The following BCHE variants were observed in gnomAD, a reference collection of about 807,000 sequenced individuals.
BCHE encodes the protein butyrylcholinesterase.
In BCHE, 48 loss-of-function variants were observed where a neutral mutation model predicts 51.3. That is an observed-to-expected ratio of 0.94 (90% CI 0.74 to 1.19). The LOEUF (loss-of-function observed/expected upper bound fraction) is 1.19, where lower values mean the gene tolerates loss of function less well. Among genes scored for constraint, BCHE ranks in the 50% most tolerant of loss-of-function variants. The pLI, the probability that BCHE is intolerant of heterozygous loss-of-function variation, is 0.00. For missense variants in BCHE, 847 were observed against 708.2 expected (o/e 1.20, Z -2.23); for synonymous variants, 251 against 238.0 (o/e 1.05, Z -0.50).
chr3:165,834,035 A>G (rs545466350), intron 1 of BCHE, among the ~76,000 whole-genome samples: 1 of 152,036 alleles, frequency 6.6e-6, no homozygotes, highest in Admixed American at 6.6e-5. Flanking sequence ...ATTGAAATAA[A>G]TTTTGGTCTC....
rs1714876292 is a variant in BCHE, at chr3:165,829,741, C to T, written c.1293G>A (p.Leu431=). 1.2e-6 allele frequency: 2 copies of T among 1,613,708 alleles called. No individual in the cohort carries two copies. Among genetic ancestry groups the T allele is most frequent in the African/African-American group, 2.7e-5 (2 of 74,876 alleles). The part of the protein sequence containing the change: ...VGDYNFICPA[L]EFTKKFSEWG... ...ATTCTGAGAACTTCTTGGTGAACTC[C>T]AAGGCAGGGCATATGAAATTATAAT... Residue 431 remains leucine (L), a synonymous_variant, in exon 2 of 4, where the codon TTG becomes TTA. Coordinates refer to ENST00000264381, the MANE Select transcript of BCHE (RefSeq NM_000055.4).
chr3:165,806,466 C>A (rs79403484), intron 2 of BCHE, among the ~76,000 whole-genome samples: 2 of 152,108 alleles, frequency 1.3e-5, no homozygotes, highest in Admixed American at 6.6e-5. Flanking sequence ...TATCTGCCAG[C>A]GGTAAGTGGT....
At chr3:165,810,349 A>T (rs1714046574) in intron 2 of BCHE, among the ~76,000 whole-genome samples, 1 of 152,106 alleles carries the variant, frequency 6.6e-6, no homozygotes, top group Non-Finnish European at 1.5e-5. Flanking sequence ...GCCCACTCAA[A>T]ATATCTCAAT....
chr3:165,809,278 G>A (rs1007594665), intron 2 of BCHE, among the ~76,000 whole-genome samples: 5 of 152,202 alleles, frequency 3.3e-5, no homozygotes, highest in East Asian at 1.9e-4. Context: ...ATAAGCAAAC[G>A]TATTTAAATC....
At chr3:165,826,000 G>A (rs533339342) in intron 2 of BCHE, among the ~76,000 whole-genome samples, 1 of 152,086 alleles carries the variant, frequency 6.6e-6, no homozygotes, top group South Asian at 2.1e-4. Flanking sequence ...TTAGTTGCAA[G>A]TGATGCTGAA....
chr3:165,792,053 G>C (rs945864702), intron 2 of BCHE, among the ~76,000 whole-genome samples: 3 of 152,066 alleles, frequency 2.0e-5, no homozygotes, highest in Non-Finnish European at 4.4e-5. Context: ...TAAGTACGCA[G>C]CTGGAAATTT....
chr3:165,833,010 A>T (rs1322965591), intron 1 of BCHE, among the ~76,000 whole-genome samples: 2 of 152,040 alleles, frequency 1.3e-5, no homozygotes, highest in African/African-American at 4.8e-5. Context: ...TAATGGATAT[A>T]TCTATTTCTA....
intron 1 of BCHE, among the ~76,000 whole-genome samples, chr3:165,831,700 A>C (rs1399257719): frequency 2.6e-5 from 4 of 152,198 alleles, no homozygotes; most frequent in Non-Finnish European, 5.9e-5. Context: ...ACAAATTGTA[A>C]AAACTAACAA....
At position 165,832,118 on chromosome 3, in the gene BCHE, G is replaced by A. The variant is rs1576672741; in HGVS notation, c.-8-1077C>T. On this transcript the variant is annotated intron_variant, in intron 1 of 3. Coordinates refer to ENST00000264381, the MANE Select transcript of BCHE (RefSeq NM_000055.4). ...GTGACCTACAAAATCATAAGTATTT[G>A]ACATTTATGAAATAATATTTAATGG... Among the ~76,000 whole-genome samples, 4 of 152,196 alleles carry A rather than the reference G, an allele frequency of 2.6e-5. No homozygotes were observed. The East Asian group carries it at 7.7e-4, about 29-fold the overall frequency.
intron 3 of BCHE, among the ~76,000 whole-genome samples, chr3:165,779,789 C>T (rs1232848324): frequency 6.6e-6 from 1 of 152,190 alleles, no homozygotes; most frequent in Non-Finnish European, 1.5e-5. Flanking sequence ...AAAAACATTT[C>T]ATCCTCATGG....
At chr3:165,792,561 T>C (rs1055599062) in intron 2 of BCHE, among the ~76,000 whole-genome samples, 4 of 152,134 alleles carry the variant, frequency 2.6e-5, no homozygotes, top group African/African-American at 9.7e-5. Context: ...AAAAACAAGA[T>C]GCCATTATAA....
intron 2 of BCHE, among the ~76,000 whole-genome samples, chr3:165,808,035 G>A (rs144526420): frequency 1.7e-3 from 264 of 152,108 alleles, no homozygotes; most frequent in African/African-American, 6.1e-3. Flanking sequence ...CCAGGCTGCA[G>A]TGCAGTGGCG....
intron 3 of BCHE, among the ~76,000 whole-genome samples, chr3:165,781,207 C>A (rs944344490): frequency 2.6e-5 from 4 of 152,038 alleles, no homozygotes; most frequent in Non-Finnish European, 4.4e-5. Flanking sequence ...GCCAAGATCA[C>A]GTCATTGCAC....
chr3:165,796,982 G>A (rs1028451684), intron 2 of BCHE, among the ~76,000 whole-genome samples: 3 of 151,982 alleles, frequency 2.0e-5, no homozygotes, highest in Non-Finnish European at 4.4e-5. Context: ...GGATATAAAG[G>A]TTTGCATAAT....
intron 1 of BCHE, among the ~76,000 whole-genome samples, chr3:165,837,061 T>C (rs905228406): frequency 2.0e-5 from 3 of 152,162 alleles, no homozygotes; most frequent in South Asian, 2.1e-4. Flanking sequence ...TGGTCCTTTA[T>C]ACAGAGTTGA....
At chr3:165,778,652 A>G in intron 3 of BCHE, 1 of 450,968 alleles carries the variant, frequency 2.2e-6, no homozygotes. Context: ...ACTCCACTTC[A>G]CTGTGAGTAA....
chr3:165,829,536 C>T lies in BCHE; in HGVS notation c.1498G>A (p.Ala500Thr). Reference sequence around the variant, plus strand: ...ACTTACCCATATTTTGCAAAATTTGCCCACCGTTTCACTATGGATCTACTC... The same window carrying T: ...ACTTACCCATATTTTGCAAAATTTGTCCACCGTTTCACTATGGATCTACTC... Reference protein sequence around the residue: ...ILSRSIVKRWANFAKYGNPNE... With the variant: ...ILSRSIVKRWTNFAKYGNPNE... Residue 500 changes from alanine to threonine, a missense_variant, in exon 2 of 4, where the codon GCA becomes ACA. Transcript: ENST00000264381. The T allele has an allele frequency of 6.2e-7, 1 of 1,613,582 alleles. No homozygotes were observed. The highest frequency in any genetic ancestry group is 8.5e-7 in the Non-Finnish European group (1 of 1,179,724).
intron 2 of BCHE, among the ~76,000 whole-genome samples, chr3:165,801,854 A>T (rs1385468792): frequency 6.6e-6 from 1 of 152,118 alleles, no homozygotes; most frequent in Non-Finnish European, 1.5e-5. Context: ...GCCTCTCATT[A>T]TTCTTATACA....
chr3:165,820,541 G>T (rs1234103423), intron 2 of BCHE, among the ~76,000 whole-genome samples: 1 of 151,880 alleles, frequency 6.6e-6, no homozygotes, highest in Non-Finnish European at 1.5e-5. Flanking sequence ...AATCCAAGGG[G>T]ATTTAAGCCC....
Sources: gnomAD v4.1 joint callset for allele counts (sites outside exome capture counted in the v4.1 genomes callset) on GRCh38, gnomAD v4.1.1 for gene constraint, MANE v1.5 for transcripts, NCBI Gene and HGNC (gene_info 2026-07-23, HGNC 2026-07-21) for gene names.